AJUBA: variants seen among roughly 807,000 people sequenced by gnomAD.
The protein encoded by AJUBA is LIM domain-containing protein ajuba.
A neutral mutation model predicts 53.3 loss-of-function variants in AJUBA; 20 were observed. The observed-to-expected ratio is 0.38, with a 90% CI of 0.26 to 0.55. The LOEUF (loss-of-function observed/expected upper bound fraction) is 0.55, where lower values mean the gene tolerates loss of function less well. Ranked by LOEUF, AJUBA falls within the 20% of genes least tolerant of loss-of-function variation. The pLI, the probability that AJUBA is intolerant of heterozygous loss-of-function variation, is 0.80. For missense variants in AJUBA, 580 were observed against 730.5 expected, an observed-to-expected ratio of 0.79 and a Z score of 2.38; for synonymous variants, 296 against 306.2, an observed-to-expected ratio of 0.97 and a Z score of 0.35.
chr14:22,981,959 T>C lies in AJUBA; in HGVS notation c.308A>G (p.Gln103Arg), dbSNP rs745946601. The change falls in exon 1 of 8, where the codon CAG becomes CGG. Residue 103 changes from glutamine to arginine, a missense_variant. Gln to Arg is a conservative substitution (Grantham distance 43). Coordinates refer to ENST00000262713, the MANE Select transcript of AJUBA (RefSeq NM_032876.6). ...PPPTRALPLP[Q>R]SLPPDFRLEP... ...CAGCCGAAAATCGGGGGGCAACGACTGAGGTAGAGGCAAGGCCCGGGTGGG... is the reference window on the plus strand; with the variant it reads ...CAGCCGAAAATCGGGGGGCAACGACCGAGGTAGAGGCAAGGCCCGGGTGGG... 6.3e-7 allele frequency: 1 copy of C among 1,577,094 alleles called. No homozygotes were observed. Among genetic ancestry groups the C allele is most frequent in the Non-Finnish European group, 8.6e-7 (1 of 1,165,430 alleles).
At chr14:22,977,267 C>T in intron 2 of AJUBA, 1 of 953,578 alleles carries the variant, frequency 1.0e-6, no homozygotes, top group Non-Finnish European at 1.2e-6. Flanking sequence ...AAGCAGGTCC[C>T]CTCTCCTGTT....
chr14:22,977,279 G>A, intron 2 of AJUBA: 1 of 899,828 alleles, frequency 1.1e-6, no homozygotes, highest in Non-Finnish European at 1.3e-6. Context: ...TCTCCTGTTT[G>A]TATAAGGCTG....
At chr14:22,978,199 C>T (rs1042996541) in intron 2 of AJUBA, 145 bp downstream of exon 2, 8 of 701,900 alleles carry the variant, frequency 1.1e-5, no homozygotes, top group African/African-American at 3.5e-5. Flanking sequence ...AGAGCAGCTG[C>T]GGACCTCCAG....
intron 6 of AJUBA, chr14:22,974,574 T>C: frequency 2.0e-6 from 1 of 494,852 alleles, no homozygotes; most frequent in Non-Finnish European, 3.6e-6. Context: ...ATCTGCAGTC[T>C]GGTGACCTCG....
Position 22,976,444 on chromosome 14 carries a change from C to A in AJUBA, c.1239+12G>T, listed in dbSNP as rs1326602628. The A allele has an allele frequency of 6.2e-7, 1 of 1,614,010 alleles. No homozygotes were observed. On this transcript the variant is annotated intron_variant, in intron 4 of 7. Transcript: ENST00000262713. ...CACAGTGAGACTTCTCAGCTGAAAGCACTTTACTTACCTTCTCCAAAATCA... is the reference window on the plus strand; with the variant it reads ...CACAGTGAGACTTCTCAGCTGAAAGAACTTTACTTACCTTCTCCAAAATCA...
At chr14:22,977,002 G>A in intron 2 of AJUBA, 1 of 1,294,556 alleles carries the variant, frequency 7.7e-7, no homozygotes, top group South Asian at 2.2e-5. Context: ...CCTCTCCAGT[G>A]CATAGGAAGC....
Position 22,975,200 on chromosome 14 carries a change from C to T in AJUBA, c.1240-96G>A, listed in dbSNP as rs140446195. The T allele has an allele frequency of 2.7e-6, 4 of 1,482,440 alleles. No homozygotes were observed. The Admixed American group carries it at 5.5e-5, about 20-fold the overall frequency. The allele number at this position is 1,482,440 out of a possible 1,614,324, so 91.8% of individuals were successfully genotyped here. A position where few individuals can be genotyped will look rare whatever the true frequency, so the allele number is the denominator to read the frequency against. On this transcript the variant is annotated intron_variant, in intron 4 of 7. Coordinates refer to ENST00000262713, the MANE Select transcript of AJUBA (RefSeq NM_032876.6). The stretch of plus-strand genomic sequence containing the variant: ...TATTACTCCCATTAACCTCATCCAA[C>T]CCGCTGCTATACTCCCAGAACAATG...
At chr14:22,974,639 C>G in intron 6 of AJUBA, 200 bp downstream of exon 6, 1 of 589,214 alleles carries the variant, frequency 1.7e-6, no homozygotes, top group Non-Finnish European at 2.9e-6. Context: ...GAGCCTGGGC[C>G]CAGTTAGGCT....
intron 2 of AJUBA, 111 bp from the exon 3 acceptor site, chr14:22,976,823 T>A: frequency 6.7e-7 from 1 of 1,492,100 alleles, no homozygotes; most frequent in Non-Finnish European, 8.9e-7. Flanking sequence ...ACTTTGTGCT[T>A]TTCCTCCTAA....
chr14:22,982,460 C>A lies in AJUBA; in HGVS notation c.-194G>T. The A allele has an allele frequency of 7.0e-7, 1 of 1,428,124 alleles. No homozygotes were observed. Among genetic ancestry groups the A allele is most frequent in the South Asian group, 1.5e-5 (1 of 67,368 alleles). The allele number at this position is 1,428,124 out of a possible 1,614,324, so 88.5% of individuals were successfully genotyped here. On this transcript the variant is annotated 5_prime_UTR_variant, in exon 1 of 8. Transcript: ENST00000262713. ...CCCAGCGGGAGGGGCTGCGTCCCCC[C>A]GCGCATCTGGGGCTGAGCGGGGCTA...
Position 22,972,196 on chromosome 14 carries a change from T to C in AJUBA, c.*1247A>G, listed in dbSNP as rs1394371087. 6.6e-6 allele frequency: 1 copy of C among 152,410 alleles called. No homozygotes were observed. Among genetic ancestry groups the C allele is most frequent in the East Asian group, 1.9e-4 (1 of 5,196 alleles). The allele number at this position is 152,410 out of a possible 1,614,324, so 9.4% of individuals were successfully genotyped here. A position where few individuals can be genotyped will look rare whatever the true frequency, so the allele number is the denominator to read the frequency against. The stretch of plus-strand genomic sequence containing the variant: ...TTCAAGCAAACTGACTAGTATCAAA[T>C]CAGTGTTTTGCTCCCTCCAGTTCCC... On this transcript the variant is annotated 3_prime_UTR_variant, in exon 8 of 8. Coordinates refer to ENST00000262713, the MANE Select transcript of AJUBA (RefSeq NM_032876.6).
At chr14:22,977,321 T>C in intron 2 of AJUBA, 1 of 541,278 alleles carries the variant, frequency 1.8e-6, no homozygotes, top group Non-Finnish European at 2.4e-6. Flanking sequence ...CCAGAGTCAC[T>C]GGGGTAAGAG....
rs2045101458 is a variant in AJUBA at position 22,981,831 on chromosome 14, C to G, written c.436G>C (p.Gly146Arg). Residue 146 changes from glycine to arginine, a missense_variant, in exon 1 of 8, where the codon GGG becomes CGG. Physicochemically the swap from Gly to Arg is moderately radical, Grantham distance 125 (BLOSUM62 -2). This residue lies in a region of AJUBA where 430 missense variants were observed against 471.5 expected (regional missense o/e 0.91). Coordinates refer to ENST00000262713, the MANE Select transcript of AJUBA (RefSeq NM_032876.6). ...CCTCCAGCTCCGCCAGCCCCCGCCCCGTCCAGCAGCAGGCTGCCCCGGGGG... is the reference window on the plus strand; with the variant it reads ...CCTCCAGCTCCGCCAGCCCCCGCCCGGTCCAGCAGCAGGCTGCCCCGGGGG... ...SSPRGSLLLDGAGAGGAGGSR... is the reference protein window; with the variant it reads ...SSPRGSLLLDRAGAGGAGGSR... 1.3e-6 allele frequency: 2 copies of G among 1,533,844 alleles called. No individual in the cohort carries two copies. The highest frequency in any genetic ancestry group is 2.0e-5 in the Admixed American group (1 of 50,816).
chr14:22,973,982 G>A, intron 7 of AJUBA, 65 bp downstream of exon 7: 2 of 1,578,820 alleles, frequency 1.3e-6, no homozygotes, highest in Non-Finnish European at 8.7e-7. Context: ...GTTGTTGCAG[G>A]ACTTGACTCC....
chr14:22,978,886 A>C (rs1594565877), intron 1 of AJUBA: 1 of 1,284,586 alleles, frequency 7.8e-7, no homozygotes, highest in Non-Finnish European at 1.0e-6. Flanking sequence ...GGCTAGGCCC[A>C]GAAATCGTCT....
intron 1 of AJUBA, among the ~76,000 whole-genome samples, chr14:22,980,980 G>C (rs2045084740): frequency 6.6e-6 from 1 of 152,058 alleles, no homozygotes; most frequent in Non-Finnish European, 1.5e-5. Context: ...TCCCTACGAG[G>C]CCTCCTGCCG....
Position 22,981,248 on chromosome 14 carries a change from T to C in AJUBA, c.1006+13A>G. The C allele has an allele frequency of 6.3e-7, 1 of 1,589,912 alleles. No homozygotes were observed. On this transcript the variant is annotated intron_variant, in intron 1 of 7. Coordinates refer to ENST00000262713, the MANE Select transcript of AJUBA (RefSeq NM_032876.6). ...CGGGTCCCTTCCCGTCCCTAACCACTTCTCTCACTCACCGAAGTAGTCCTC... is the reference window on the plus strand; with the variant it reads ...CGGGTCCCTTCCCGTCCCTAACCACCTCTCTCACTCACCGAAGTAGTCCTC...
chr14:22,977,301 T>C (rs2045046520), intron 2 of AJUBA: 1 of 741,052 alleles, frequency 1.3e-6, no homozygotes, highest in South Asian at 6.2e-5. Flanking sequence ...TTCCCTAAGC[T>C]TAGAGGGACC....
Position 22,982,283 on chromosome 14 carries a change from C to T in AJUBA, c.-17G>A, listed in dbSNP as rs750875834. The T allele has an allele frequency of 6.8e-6, 11 of 1,609,038 alleles. No individual in the cohort carries two copies. The highest frequency in any genetic ancestry group is 1.7e-4 in the Middle Eastern group (1 of 6,036). ...CCGCTCCATGCCCTCGGGCCTGGGGCCTCTCGCCCCCTCCCCGCCTGGCAC... is the reference window on the plus strand; with the variant it reads ...CCGCTCCATGCCCTCGGGCCTGGGGTCTCTCGCCCCCTCCCCGCCTGGCAC... On this transcript the variant is annotated 5_prime_UTR_variant, in exon 1 of 8. Transcript: ENST00000262713.
Sources: gnomAD v4.1 joint callset for allele counts (sites outside exome capture counted in the v4.1 genomes callset) on GRCh38, gnomAD v4.1.1 for gene constraint, gnomAD v4.1.1 regional missense constraint, MANE v1.5 for transcripts, NCBI Gene and HGNC (gene_info 2026-07-23, HGNC 2026-07-21) for gene names.